Variants in RGS5 observed in about 807,000 individuals in gnomAD.
The protein encoded by RGS5 is regulator of G protein signaling 5, also known as regulator of G-protein signalling 5.
RGS5 carries 20 observed loss-of-function variants against 18.9 expected under a neutral mutation model. That is an observed-to-expected ratio of 1.06 (90% confidence interval 0.74 to 1.54). RGS5 has a LOEUF of 1.54. RGS5 is among the 40% of genes most tolerant of loss of function. The pLI is 0.00. For synonymous variants in RGS5, 57 were observed against 76.2 expected (o/e 0.75, Z 1.31); for missense variants, 201 against 211.8 (o/e 0.95, Z 0.32).
At chr1:163,179,862 T>A (rs1004242051) in intron 1 of RGS5, among the ~76,000 whole-genome samples, 2 of 152,180 alleles carry the variant, frequency 1.3e-5, no homozygotes, top group Non-Finnish European at 2.9e-5. Context: ...CATGTATTCC[T>A]TTTTACTCAA....
intron 1 of RGS5, chr1:163,212,065 T>C (rs1660118962): frequency 6.6e-6 from 1 of 152,168 alleles, no homozygotes; most frequent in Admixed American, 6.5e-5. Context: ...ATAAGAAACA[T>C]CTTTTGGATT....
At chr1:163,256,322 CAAA>C (rs1468802183) in intron 2 of RGS5, among the ~76,000 whole-genome samples, 1 of 89,374 alleles carries the variant, frequency 1.1e-5, no homozygotes, top group African/African-American at 5.5e-5. Context: ...CAATAACAGA[CAAA>C]CAGAGAGCCA....
intron 1 of RGS5, among the ~76,000 whole-genome samples, chr1:163,181,012 C>T (rs1315785240): frequency 1.3e-5 from 2 of 152,014 alleles, no homozygotes; most frequent in African/African-American, 2.4e-5. Flanking sequence ...TTATCCCTAG[C>T]AACCGCTGAT....
intron 2 of RGS5, among the ~76,000 whole-genome samples, chr1:163,232,821 A>AT (rs1240960515): frequency 3.9e-5 from 6 of 152,222 alleles, no homozygotes; most frequent in African/African-American, 1.4e-4. Flanking sequence ...GATGGAGAAA[A>AT]TAAGAATAAT....
At chr1:163,232,583 T>A (rs1323532526) in intron 2 of RGS5, among the ~76,000 whole-genome samples, 1 of 152,146 alleles carries the variant, frequency 6.6e-6, no homozygotes, top group East Asian at 1.9e-4. Context: ...GAAATGAATG[T>A]CATTAAATAG....
intron 2 of RGS5, among the ~76,000 whole-genome samples, chr1:163,256,011 A>G (rs1648262194): frequency 6.6e-6 from 1 of 152,156 alleles, no homozygotes; most frequent in Non-Finnish European, 1.5e-5. Context: ...ATCATACTCA[A>G]TGGGCAAAAA....
intron 2 of RGS5, among the ~76,000 whole-genome samples, chr1:163,291,321 C>A (rs1238465846): frequency 6.6e-6 from 1 of 152,122 alleles, no homozygotes; most frequent in Admixed American, 6.6e-5. Context: ...TGCCTTTACC[C>A]TTCAAGCTGC....
chr1:163,216,616 G>A (rs1660222948), intron 1 of RGS5, among the ~76,000 whole-genome samples: 3 of 152,092 alleles, frequency 2.0e-5, no homozygotes, highest in Admixed American at 2.0e-4. Flanking sequence ...TTTTTCGTAG[G>A]TCGTCATTTG....
At chr1:163,196,286 G>T (rs1372956215) in intron 1 of RGS5, among the ~76,000 whole-genome samples, 1 of 152,112 alleles carries the variant, frequency 6.6e-6, no homozygotes, top group African/African-American at 2.4e-5. Flanking sequence ...GACTGATCCT[G>T]ACTGAATTAA....
chr1:163,258,936 C>G (rs1648350475), intron 2 of RGS5, among the ~76,000 whole-genome samples: 1 of 152,008 alleles, frequency 6.6e-6, no homozygotes. Flanking sequence ...GTCGGCTTCC[C>G]AAAGTGCTGG....
chr1:163,237,565 G>C (rs1436928331), intron 2 of RGS5: 4 of 152,250 alleles, frequency 2.6e-5, no homozygotes, highest in African/African-American at 9.7e-5. Flanking sequence ...TGCACCTGTA[G>C]TCCCAGCTAC....
intron 2 of RGS5, among the ~76,000 whole-genome samples, chr1:163,285,722 TTG>T (rs1649125806): frequency 6.6e-6 from 1 of 152,070 alleles, no homozygotes; most frequent in Non-Finnish European, 1.5e-5. Context: ...TGCTGTTCTC[TTG>T]ATAGAGTTCT....
intron 1 of RGS5, chr1:163,212,206 C>G (rs954950477): frequency 3.3e-5 from 5 of 152,128 alleles, no homozygotes; most frequent in African/African-American, 9.7e-5. Flanking sequence ...TGCTGGGGCT[C>G]TTTGAGTCTG....
intron 3 of RGS5, 108 bp downstream of exon 3, chr1:163,161,807 T>G (rs1198402806): frequency 6.1e-6 from 5 of 819,006 alleles, no homozygotes; most frequent in Non-Finnish European, 1.0e-5. Context: ...CTTCAAAAAT[T>G]GAAGAAATGT....
chr1:163,145,449 G>C lies in RGS5; in HGVS notation c.*1893C>G, dbSNP rs1657093468. ...GTAGACATATGTTGAAGCTGGTTCT[G>C]GAAGTGCACCCTGGAAATTTTTATC... On this transcript the variant is annotated 3_prime_UTR_variant, in exon 5 of 5. Transcript: ENST00000313961. 6.6e-6 allele frequency: 1 copy of C among 152,130 alleles called. No homozygotes were observed. The highest frequency in any genetic ancestry group is 1.5e-5 in the Non-Finnish European group (1 of 68,036). The allele number at this position is 152,130 out of a possible 1,614,324, so 9.4% of individuals were successfully genotyped here.
At chr1:163,204,941 G>T (rs564358013), upstream of RGS5, among the ~76,000 whole-genome samples, 11 of 152,264 alleles carry the variant, frequency 7.2e-5, no homozygotes, top group South Asian at 8.3e-4. Context: ...GCATGTTTCT[G>T]ACTGTCCCAA....
At chr1:163,302,176 C>A (rs1649570360) in intron 2 of RGS5, among the ~76,000 whole-genome samples, 1 of 151,976 alleles carries the variant, frequency 6.6e-6, no homozygotes, top group Admixed American at 6.6e-5. Flanking sequence ...AGTAAGTAAA[C>A]AATAACTCAT....
At chr1:163,158,074 T>C (rs1657660167) in intron 3 of RGS5, among the ~76,000 whole-genome samples, 1 of 152,232 alleles carries the variant, frequency 6.6e-6, no homozygotes, top group South Asian at 2.1e-4. Context: ...AATTTCTGAT[T>C]ATAGACTATT....
chr1:163,305,829 A>G (rs1303586952), intron 2 of RGS5, among the ~76,000 whole-genome samples: 2 of 152,106 alleles, frequency 1.3e-5, no homozygotes, highest in Non-Finnish European at 2.9e-5. Context: ...CTCTTAGCCA[A>G]CTGTTCTTAA....
Sources: gnomAD v4.1 joint callset for allele counts (sites outside exome capture counted in the v4.1 genomes callset) on GRCh38, gnomAD v4.1.1 for gene constraint, MANE v1.5 for transcripts, NCBI Gene and HGNC (gene_info 2026-07-23, HGNC 2026-07-21) for gene names.